Variants in ZFHX3 observed in about 807,000 individuals in gnomAD.
ZFHX3 encodes the protein zinc finger homeobox 3.
In ZFHX3, 42 loss-of-function variants were observed where a neutral mutation model predicts 279.1. The observed-to-expected ratio is 0.15, with a 90% CI of 0.12 to 0.19. ZFHX3 has a LOEUF of 0.19. Among genes scored for constraint, ZFHX3 ranks in the 10% least tolerant of loss-of-function variants. The pLI is 1.00. For synonymous variants in ZFHX3, 2,293 were observed against 1,957.8 expected, an observed-to-expected ratio of 1.17 and a Z score of -4.52; for missense variants, 4,981 against 4,754.0, an observed-to-expected ratio of 1.05 and a Z score of -1.40.
At chr16:73,629,685 A>G (rs1013396787) in intron 2 of ZFHX3, among the ~76,000 whole-genome samples, 12 of 152,138 alleles carry the variant, frequency 7.9e-5, no homozygotes, top group African/African-American at 2.9e-4. Flanking sequence ...AAGGAGGAAA[A>G]AACCCTATAG....
At chr16:73,638,869 C>T (rs2052550217) in intron 2 of ZFHX3, among the ~76,000 whole-genome samples, 1 of 152,122 alleles carries the variant, frequency 6.6e-6, no homozygotes, top group African/African-American at 2.4e-5. Flanking sequence ...AAACACTAGT[C>T]TAAAAATGAA....
chr16:73,130,033 G>T (rs1381894744), intron 7 of ZFHX3, among the ~76,000 whole-genome samples: 1 of 152,134 alleles, frequency 6.6e-6, no homozygotes, highest in African/African-American at 2.4e-5. Context: ...AGAGGCGAAA[G>T]CTCTCCCAAA....
intron 6 of ZFHX3, among the ~76,000 whole-genome samples, chr16:73,140,448 G>A (rs1388781816): frequency 6.6e-6 from 1 of 152,146 alleles, no homozygotes; most frequent in Non-Finnish European, 1.5e-5. Flanking sequence ...GATCTGCTGA[G>A]ACAGTGCTCT....
In ZFHX3 at chr16:73,359,620, C is replaced by T. The variant is rs562067752; in HGVS notation, c.-1290-41284G>A. Among the ~76,000 whole-genome samples, 6 of 152,288 alleles carry T rather than the reference C, an allele frequency of 3.9e-5. No individual in the cohort carries two copies. The East Asian group carries it at 9.7e-4, about 25-fold the overall frequency. Reference sequence around the variant, plus strand: ...GCCCAGAGGCATTGGGAAGGAAAGGCCCCATGTGGGGATGGAGAGGCCAGC... The same window carrying T: ...GCCCAGAGGCATTGGGAAGGAAAGGTCCCATGTGGGGATGGAGAGGCCAGC... On this transcript the variant is annotated intron_variant, in intron 3 of 17. Coordinates refer to the ZFHX3 transcript ENST00000641206.
chr16:73,135,518 C>T (rs376612917), intron 6 of ZFHX3, among the ~76,000 whole-genome samples: 1 of 152,190 alleles, frequency 6.6e-6, no homozygotes, highest in African/African-American at 2.4e-5. Context: ...AAGCTTTCGA[C>T]CCTGCTGCCA....
rs116952156 is a variant in ZFHX3 at position 73,082,562 on chromosome 16, C to T, written c.-533+10673G>A. Among the ~76,000 whole-genome samples the T allele has an allele frequency of 5.9e-3, 905 of 152,258 alleles. 4 individuals carry two copies. Among genetic ancestry groups the T allele is most frequent in the Non-Finnish European group, 0.01 (681 of 68,034 alleles). On this transcript the variant is annotated intron_variant, in intron 8 of 17. Transcript: ENST00000641206. ...GGGATTACAGACGTGAGCCACCGTG[C>T]CCAGCCAAATGAATGAATTTTACAT...
At chr16:73,291,273 C>A (rs112097418) in intron 4 of ZFHX3, among the ~76,000 whole-genome samples, 2 of 152,284 alleles carry the variant, frequency 1.3e-5, no homozygotes, top group South Asian at 4.1e-4. Flanking sequence ...CCACTGATGT[C>A]TCTGGCTGCC....
chr16:73,233,442 A>C (rs994814903), intron 5 of ZFHX3, among the ~76,000 whole-genome samples: 4 of 152,316 alleles, frequency 2.6e-5, no homozygotes, highest in Non-Finnish European at 2.9e-5. Context: ...CCTCAAATGT[A>C]CCTTCTGATA....
chr16:73,823,177 C>T (rs1329961222), intron 1 of ZFHX3, among the ~76,000 whole-genome samples: 1 of 152,104 alleles, frequency 6.6e-6, no homozygotes, highest in Non-Finnish European at 1.5e-5. Context: ...GGAAATCTTA[C>T]CAAATCCATG....
intron 3 of ZFHX3, among the ~76,000 whole-genome samples, chr16:73,355,937 G>C (rs2016333042): frequency 6.6e-6 from 1 of 152,122 alleles, no homozygotes; most frequent in African/African-American, 2.4e-5. Context: ...GTTGAGCCTG[G>C]AGCCATTGTC....
chr16:73,337,616 C>T (rs990567091), intron 3 of ZFHX3, among the ~76,000 whole-genome samples: 1 of 151,980 alleles, frequency 6.6e-6, no homozygotes, highest in South Asian at 2.1e-4. Flanking sequence ...TGTCTCCATC[C>T]CTGCTTGCCA....
In ZFHX3 at chr16:73,760,413, A is replaced by T. The variant is rs1022321599; in HGVS notation, c.-1607-80173T>A. Among the ~76,000 whole-genome samples, 12 of 152,194 alleles carry T rather than the reference A, an allele frequency of 7.9e-5. 1 individual carries two copies. Among genetic ancestry groups the T allele is most frequent in the Admixed American group, 1.3e-4 (2 of 15,270 alleles). On this transcript the variant is annotated intron_variant, in intron 1 of 17. Transcript: ENST00000641206. ...AAACTATTCCAAACAATAGAAAAAG[A>T]GGGAATCCTCCCTAAATCATTTTAT...
At chr16:73,300,460 T>C (rs1447291599) in intron 4 of ZFHX3, among the ~76,000 whole-genome samples, 2 of 151,636 alleles carry the variant, frequency 1.3e-5, no homozygotes, top group African/African-American at 2.4e-5. Flanking sequence ...TGGCCGTGTG[T>C]GCCAGGATAC....
chr16:73,816,643 A>G (rs941504879), intron 1 of ZFHX3, among the ~76,000 whole-genome samples: 9 of 152,200 alleles, frequency 5.9e-5, no homozygotes, highest in African/African-American at 2.2e-4. Context: ...GGGGGAGAGA[A>G]AAAGAGAGAG....
intron 1 of ZFHX3, among the ~76,000 whole-genome samples, chr16:73,822,296 T>C (rs987713011): frequency 9.2e-5 from 14 of 152,172 alleles, no homozygotes; most frequent in Admixed American, 5.2e-4. Flanking sequence ...AGCTTTCTTC[T>C]CTAGATGCCC....
intron 1 of ZFHX3, among the ~76,000 whole-genome samples, chr16:73,861,450 G>A (rs1961879544): frequency 6.6e-6 from 1 of 152,118 alleles, no homozygotes; most frequent in African/African-American, 2.4e-5. Flanking sequence ...TGATTTCCGT[G>A]TACAAATAAT....
intron 2 of ZFHX3, among the ~76,000 whole-genome samples, chr16:73,588,707 C>CAAAAAAAAAAAAAA (rs35010044): frequency 1.5e-5 from 2 of 134,240 alleles, no homozygotes; most frequent in African/African-American, 5.7e-5. Flanking sequence ...AAAAACAAAA[C>CAAAAAAAAAAAAAA]AAAAAAAAAA....
intron 3 of ZFHX3, among the ~76,000 whole-genome samples, chr16:72,904,567 T>C (rs143049768): frequency 6.6e-6 from 1 of 152,090 alleles, no homozygotes; most frequent in African/African-American, 2.4e-5. Context: ...CTCCACTCCA[T>C]TCCACTTGCA....
At chr16:73,774,335 G>T (rs535724700) in intron 1 of ZFHX3, among the ~76,000 whole-genome samples, 1 of 152,152 alleles carries the variant, frequency 6.6e-6, no homozygotes, top group Non-Finnish European at 1.5e-5. Flanking sequence ...ATGAATGAAG[G>T]CTGAGAGAAA....
Sources: allele counts gnomAD v4.1 joint callset (sites outside exome capture counted in the v4.1 genomes callset), GRCh38; gene constraint gnomAD v4.1.1; transcripts MANE v1.5; gene names NCBI Gene and HGNC (gene_info 2026-07-23, HGNC 2026-07-21).